The following DMBT1 variants were observed in gnomAD, a reference collection of about 807,000 sequenced individuals.
The protein encoded by DMBT1 is scavenger receptor cysteine-rich domain-containing protein DMBT1.
A neutral mutation model predicts 252.9 loss-of-function variants in DMBT1; 198 were observed. The ratio of observed to expected loss-of-function variants is 0.78; its 90% confidence interval spans 0.70 to 0.88. The LOEUF (loss-of-function observed/expected upper bound fraction) is 0.88. DMBT1 is among the 40% of genes least tolerant of loss of function. The probability of loss-of-function intolerance (pLI) is 0.00; values close to 1 mark genes in which losing one functional copy is unlikely to be tolerated. For synonymous variants in DMBT1, 990 were observed against 942.7 expected, an observed-to-expected ratio of 1.05 and a Z score of -0.92; for missense variants, 2,432 against 2,404.7, an observed-to-expected ratio of 1.01 and a Z score of -0.24.
At position 122,566,105 on chromosome 10, in the gene DMBT1, C is replaced by T. The variant is rs1319277747; in HGVS notation, c.91+109C>T. The T allele has an allele frequency of 7.5e-6, 9 of 1,199,806 alleles. No homozygotes were observed. The East Asian group carries it at 1.7e-4, about 22-fold the overall frequency. The allele number at this position is 1,199,806 out of a possible 1,614,324, so 74.3% of individuals were successfully genotyped here. ...GCTGAGGTCACAGAGCAAACGCCTG[C>T]CTTGTCGAATGCAGGAATGCCGGGG... On this transcript the variant is annotated intron_variant, in intron 2 of 55. Transcript: ENST00000338354.
intron 11 of DMBT1, among the ~76,000 whole-genome samples, chr10:122,581,149 C>A (rs918134928): frequency 2.0e-5 from 3 of 148,136 alleles, no homozygotes; most frequent in East Asian, 4.0e-4. Flanking sequence ...AGTGGACAAC[C>A]CTTACAGGTT....
chr10:122,586,083 A>C lies in DMBT1; in HGVS notation c.1483A>C (p.Arg495=), dbSNP rs758154636. 187 of 1,588,740 alleles carry C rather than the reference A, an allele frequency of 1.2e-4. 18 individuals are homozygous for C. Among genetic ancestry groups the C allele is most frequent in the Non-Finnish European group, 1.6e-4 (181 of 1,166,022 alleles). The change falls in exon 16 of 56, where the codon AGG becomes CGG. Residue 495 remains arginine (R), a synonymous_variant. Coordinates refer to ENST00000338354, the MANE Select transcript of DMBT1 (RefSeq NM_001377530.1). ...AGGATCTGAATCCAGTTTGGCCCTGAGGCTGGTGAATGGAGGTGACAGGTG... is the reference window on the plus strand; with the variant it reads ...AGGATCTGAATCCAGTTTGGCCCTGCGGCTGGTGAATGGAGGTGACAGGTG... ...TVGSESSLAL[R]LVNGGDRCQG...
In DMBT1 at chr10:122,625,403, G is replaced by T; in HGVS notation, c.5635+100G>T. The T allele has an allele frequency of 3.5e-6, 4 of 1,156,104 alleles. No homozygotes were observed. In the Admixed American group the frequency reaches 5.9e-5, roughly 17 times the overall value. 71.6% of individuals were successfully genotyped at this position (1,156,104 alleles called of 1,614,324 possible). A position where few individuals can be genotyped will look rare whatever the true frequency, so the allele number is the denominator to read the frequency against. ...GAGTAGGGTAGACTCCCCCTGGGGG[G>T]GTAATTTCTCTCTGAGGACTCTGAT... On this transcript the variant is annotated intron_variant, in intron 45 of 55. Coordinates refer to ENST00000338354, the MANE Select transcript of DMBT1 (RefSeq NM_001377530.1).
At chr10:122,567,799 G>A (rs1591145221) in intron 2 of DMBT1, among the ~76,000 whole-genome samples, 2 of 152,188 alleles carry the variant, frequency 1.3e-5, no homozygotes, top group South Asian at 2.1e-4. Flanking sequence ...CCCAGGAGAG[G>A]AGGCTGGAAA....
At chr10:122,638,313 G>GTTCATACCCA in intron 54 of DMBT1, among the ~76,000 whole-genome samples, 1 of 152,204 alleles carries the variant, frequency 6.6e-6, no homozygotes, top group Admixed American at 6.5e-5. Context: ...ATTCACACTC[G>GTTCATACCCA]TTCACACCCA....
chr10:122,627,154 C>T (rs983256357), intron 46 of DMBT1, among the ~76,000 whole-genome samples: 19 of 152,132 alleles, frequency 1.2e-4, no homozygotes, highest in African/African-American at 3.9e-4. Context: ...ATCTTTTCTG[C>T]CAAACTGCAT....
intron 10 of DMBT1, among the ~76,000 whole-genome samples, chr10:122,580,477 T>C (rs768901578): frequency 3.3e-5 from 5 of 152,148 alleles, no homozygotes; most frequent in Non-Finnish European, 5.9e-5. Flanking sequence ...GGGAGGGCAG[T>C]CCCCATGAGG....
chr10:122,591,702 T>C lies in DMBT1; in HGVS notation c.2176+185T>C, dbSNP rs567589777. Among the ~76,000 whole-genome samples the C allele has an allele frequency of 7.2e-4, 107 of 148,498 alleles. 5 individuals are homozygous for C. The highest frequency in any genetic ancestry group is 2.4e-3 in the African/African-American group (99 of 41,126). ...GTCGGGTGTTAGAGGGTGGAGGGTG[T>C]TGGTGACCTATCTCCTGTTGGACCG... On this transcript the variant is annotated intron_variant, in intron 19 of 55. Coordinates refer to ENST00000338354, the MANE Select transcript of DMBT1 (RefSeq NM_001377530.1).
intron 55 of DMBT1, among the ~76,000 whole-genome samples, chr10:122,642,870 C>T (rs1354572672): frequency 6.6e-6 from 1 of 152,160 alleles, no homozygotes; most frequent in Non-Finnish European, 1.5e-5. Context: ...CAGTATGGGA[C>T]CTGCTTGTCT....
chr10:122,642,587 G>T (rs775300382), intron 55 of DMBT1, among the ~76,000 whole-genome samples: 1 of 152,276 alleles, frequency 6.6e-6, no homozygotes, highest in East Asian at 1.9e-4. Flanking sequence ...AGTGTGGAAC[G>T]TACAGCTGCA....
Position 122,643,543 on chromosome 10 carries a change from T to G in DMBT1, c.*145T>G. The G allele has an allele frequency of 8.4e-7, 1 of 1,193,216 alleles. No individual in the cohort carries two copies. Among genetic ancestry groups the G allele is most frequent in the Non-Finnish European group, 1.1e-6 (1 of 871,916 alleles). 73.9% of individuals were successfully genotyped at this position (1,193,216 alleles called of 1,614,324 possible). A position where few individuals can be genotyped will look rare whatever the true frequency, so the allele number is the denominator to read the frequency against. Reference sequence around the variant, plus strand: ...TCATACGGAGTTGAATCAGACCTGGTTCCCGCCTCCCCCAAGGCTCATGGT... The same window carrying G: ...TCATACGGAGTTGAATCAGACCTGGGTCCCGCCTCCCCCAAGGCTCATGGT... On this transcript the variant is annotated 3_prime_UTR_variant, in exon 56 of 56. Coordinates refer to ENST00000338354, the MANE Select transcript of DMBT1 (RefSeq NM_001377530.1).
At chr10:122,621,784 G>A (rs1166944854) in intron 44 of DMBT1, among the ~76,000 whole-genome samples, 1 of 152,208 alleles carries the variant, frequency 6.6e-6, no homozygotes, top group Admixed American at 6.5e-5. Context: ...ATATGTTGGG[G>A]TAGGGAATTC....
Position 122,593,566 on chromosome 10 carries a change from C to A in DMBT1, c.2501-3C>A, listed in dbSNP as rs1249262097. The A allele has an allele frequency of 6.3e-7, 1 of 1,586,684 alleles. No individual in the cohort carries two copies. Among genetic ancestry groups the A allele is most frequent in the Non-Finnish European group, 8.6e-7 (1 of 1,164,966 alleles). ...ATCTGACCTTCTCTTCTCTTTCTCACAGTTTCCCAGTCCCGGCCGACACCC... is the reference window on the plus strand; with the variant it reads ...ATCTGACCTTCTCTTCTCTTTCTCAAAGTTTCCCAGTCCCGGCCGACACCC... On this transcript the variant is annotated splice_polypyrimidine_tract_variant and splice_region_variant and intron_variant, in intron 20 of 55. Transcript: ENST00000338354.
At position 122,588,829 on chromosome 10, in the gene DMBT1, G is replaced by A. The variant is rs1449057004; in HGVS notation, c.1784-115G>A. 7.2e-6 allele frequency: 11 copies of A among 1,519,580 alleles called. 1 individual carries two copies. In the East Asian group the frequency reaches 9.5e-5, roughly 13 times the overall value. The allele number at this position is 1,519,580 out of a possible 1,614,324, so 94.1% of individuals were successfully genotyped here. ...CCTCTGGTTGCAGTCATCTTTAATCGTGACTGCCTGCCCAGGTGACTTTGG... is the reference window on the plus strand; with the variant it reads ...CCTCTGGTTGCAGTCATCTTTAATCATGACTGCCTGCCCAGGTGACTTTGG... On this transcript the variant is annotated intron_variant, in intron 16 of 55. Coordinates refer to ENST00000338354, the MANE Select transcript of DMBT1 (RefSeq NM_001377530.1).
At chr10:122,579,509 T>G in intron 9 of DMBT1, 69 bp from the exon 10 acceptor site, 2 of 1,608,174 alleles carry the variant, frequency 1.2e-6, no homozygotes, top group South Asian at 2.2e-5. Context: ...GTACCCTGAG[T>G]GTGGAACTTA....
chr10:122,599,540 C>T (rs1214677355), intron 26 of DMBT1, among the ~76,000 whole-genome samples: 3 of 152,176 alleles, frequency 2.0e-5, no homozygotes, highest in Non-Finnish European at 4.4e-5. Context: ...GAAATAGAGG[C>T]TCAAGGGTTA....
intron 8 of DMBT1, 64 bp downstream of exon 8, chr10:122,577,904 C>A: frequency 6.4e-7 from 1 of 1,550,944 alleles, no homozygotes; most frequent in Non-Finnish European, 8.9e-7. Context: ...CCCTTCCCTA[C>A]TCCACAGAGC....
At chr10:122,571,188 T>C (rs2981795) in intron 4 of DMBT1, among the ~76,000 whole-genome samples, 104,209 of 151,784 alleles carry the variant, frequency 0.69, 35,964 homozygotes, top group East Asian at 0.77. Context: ...TCTGAATTGG[T>C]GTTTGGAGGG....
At position 122,586,040 on chromosome 10, in the gene DMBT1, G is replaced by T. The variant is rs376583688; in HGVS notation, c.1460-20G>T. On this transcript the variant is annotated intron_variant, in intron 15 of 55. Transcript: ENST00000338354. ...ACCTCATGATAGGGATGGATGAAGG[G>T]TTCTTGTTTTCCCCTGTAGGATCTG... The T allele has an allele frequency of 3.8e-6, 6 of 1,588,154 alleles. 1 individual carries two copies. Among genetic ancestry groups the T allele is most frequent in the South Asian group, 1.1e-5 (1 of 87,008 alleles).
Sources: gnomAD v4.1 joint callset for allele counts (sites outside exome capture counted in the v4.1 genomes callset) on GRCh38, gnomAD v4.1.1 for gene constraint, MANE v1.5 for transcripts, NCBI Gene and HGNC (gene_info 2026-07-23, HGNC 2026-07-21) for gene names.